Variants in PRKD3 observed in about 807,000 individuals in gnomAD.
The protein encoded by PRKD3 is serine/threonine-protein kinase D3.
In PRKD3, 47 loss-of-function variants were observed where a neutral mutation model predicts 99.2. That is an observed-to-expected ratio of 0.47 (90% confidence interval 0.38 to 0.60). PRKD3 has a LOEUF of 0.60. Ranked by LOEUF, PRKD3 falls within the 20% of genes least tolerant of loss-of-function variation. PRKD3 has a pLI of 0.00. For missense variants in PRKD3, 1,019 were observed against 1,088.4 expected (o/e 0.94, Z 0.90); for synonymous variants, 392 against 355.4 (o/e 1.10, Z -1.16).
At chr2:37,324,522 T>C (rs10202288) in intron 1 of PRKD3, among the ~76,000 whole-genome samples, 159 bp downstream of exon 1, 12,225 of 126,050 alleles carry the variant, frequency 0.097, 589 homozygotes, top group Middle Eastern at 0.16. Flanking sequence ...CCGAGTCCTG[T>C]CGCCGCCGCC....
intron 17 of PRKD3, 75 bp from the exon 18 acceptor site, chr2:37,254,364 C>T: frequency 7.3e-6 from 8 of 1,098,392 alleles, no homozygotes; most frequent in Non-Finnish European, 1.1e-5. Flanking sequence ...GCCTAGAAGG[C>T]AGTTCAACCC....
chr2:37,319,239 T>C lies in PRKD3; in HGVS notation c.-655-2060A>G, dbSNP rs190132180. Among the ~76,000 whole-genome samples the C allele has an allele frequency of 1.3e-4, 20 of 152,302 alleles. No homozygotes were observed. In the East Asian group the frequency reaches 1.4e-3, roughly 10 times the overall value. ...CTGACAAAAATAGTATCCAAGATGA[T>C]TGTCCATGCTACCTTTGCAAGAATG... On this transcript the variant is annotated intron_variant, in intron 1 of 18. Transcript: ENST00000234179.
Position 37,282,534 on chromosome 2 carries a change from A to G in PRKD3, c.988+8T>C. 1 of 1,540,450 alleles carries G rather than the reference A, an allele frequency of 6.5e-7. No homozygotes were observed. Among genetic ancestry groups the G allele is most frequent in the South Asian group, 1.1e-5 (1 of 88,908 alleles). On this transcript the variant is annotated splice_region_variant and intron_variant, in intron 7 of 18. Transcript: ENST00000234179. ...ATCTTTCACAAAAATTAAGAAAAATAATTTTACCTCCATTGAAAGTAACCT... is the reference window on the plus strand; with the variant it reads ...ATCTTTCACAAAAATTAAGAAAAATGATTTTACCTCCATTGAAAGTAACCT...
chr2:37,265,432 A>T lies in PRKD3; in HGVS notation c.1884+1998T>A, dbSNP rs553271235. 1.4e-3 allele frequency among the ~76,000 whole-genome samples: 218 copies of T among 152,306 alleles called. 2 individuals carry two copies. The highest frequency in any genetic ancestry group is 5.1e-3 in the African/African-American group (210 of 41,568). On this transcript the variant is annotated intron_variant, in intron 14 of 18. Coordinates refer to ENST00000234179, the MANE Select transcript of PRKD3 (RefSeq NM_005813.6). Reference sequence around the variant, plus strand: ...TACTAATAGAATATTCTAGAATATCAATATTCTATATGAATAATATTCATA... The same window carrying T: ...TACTAATAGAATATTCTAGAATATCTATATTCTATATGAATAATATTCATA...
At chr2:37,316,019 C>A (rs1353623530) in intron 2 of PRKD3, among the ~76,000 whole-genome samples, 1 of 152,160 alleles carries the variant, frequency 6.6e-6, no homozygotes, top group African/African-American at 2.4e-5. Flanking sequence ...GCCACTACGC[C>A]CAGCCAAATA....
At chr2:37,319,886 CAG>C (rs1485230803) in intron 1 of PRKD3, among the ~76,000 whole-genome samples, 1 of 152,102 alleles carries the variant, frequency 6.6e-6, no homozygotes, top group Non-Finnish European at 1.5e-5. Flanking sequence ...TGATTTTATT[CAG>C]TATCACTGCA....
chr2:37,299,932 G>C (rs183403713), intron 2 of PRKD3, among the ~76,000 whole-genome samples: 1 of 152,242 alleles, frequency 6.6e-6, no homozygotes, highest in Non-Finnish European at 1.5e-5. Context: ...TACACTATTG[G>C]TGGGAATGTA....
intron 5 of PRKD3, among the ~76,000 whole-genome samples, chr2:37,287,834 T>A (rs907033092): frequency 6.6e-6 from 1 of 152,244 alleles, no homozygotes; most frequent in African/African-American, 2.4e-5. Context: ...ACAAAAATTT[T>A]TAATTCATGC....
chr2:37,286,468 G>A, intron 5 of PRKD3, 99 bp from the exon 6 acceptor site: 2 of 990,186 alleles, frequency 2.0e-6, no homozygotes, highest in African/African-American at 1.7e-5. Flanking sequence ...AAACACTAAA[G>A]CCAAAAAACT....
intron 2 of PRKD3, among the ~76,000 whole-genome samples, chr2:37,301,347 A>G (rs535294145): frequency 6.6e-6 from 1 of 151,636 alleles, no homozygotes; most frequent in South Asian, 2.1e-4. Context: ...AGGAGAACAA[A>G]GAACAAAGGA....
chr2:37,274,700 G>T lies in PRKD3; in HGVS notation c.1375-3C>A, dbSNP rs781622730. The T allele has an allele frequency of 1.2e-6, 2 of 1,610,086 alleles. No individual in the cohort carries two copies. Among genetic ancestry groups the T allele is most frequent in the Non-Finnish European group, 1.7e-6 (2 of 1,177,328 alleles). ...AGAATTTCTGAAAGTGGAATTTCCT[G>T]AAGTAAAAAATTAAGCATTGAAAAA... is the stretch of plus-strand genomic sequence containing the variant. On this transcript the variant is annotated splice_polypyrimidine_tract_variant and splice_region_variant and intron_variant, in intron 10 of 18. Coordinates refer to ENST00000234179, the MANE Select transcript of PRKD3 (RefSeq NM_005813.6).
Position 37,274,289 on chromosome 2 carries a change from G to C in PRKD3, c.1651+132C>G. ...TATAAAAGAGTTAACTAATTGTATT[G>C]GTTACTAAAGTATTGGTTACTAAAG... On this transcript the variant is annotated intron_variant, in intron 11 of 18. Coordinates refer to ENST00000234179, the MANE Select transcript of PRKD3 (RefSeq NM_005813.6). 3.1e-6 allele frequency: 3 copies of C among 974,564 alleles called. No individual in the cohort carries two copies. The South Asian group carries it at 5.0e-5, about 16-fold the overall frequency. The allele number at this position is 974,564 out of a possible 1,614,324, so 60.4% of individuals were successfully genotyped here. A position where few individuals can be genotyped will look rare whatever the true frequency, so the allele number is the denominator to read the frequency against.
intron 2 of PRKD3, among the ~76,000 whole-genome samples, chr2:37,313,192 C>T (rs1312628095): frequency 6.6e-6 from 1 of 152,110 alleles, no homozygotes; most frequent in Non-Finnish European, 1.5e-5. Context: ...CTACTCAACT[C>T]TGCTGCTGCA....
At chr2:37,307,463 G>C (rs2124883561) in intron 2 of PRKD3, among the ~76,000 whole-genome samples, 1 of 152,298 alleles carries the variant, frequency 6.6e-6, no homozygotes, top group East Asian at 1.9e-4. Context: ...TATGAAACAA[G>C]ATGGGAAAGA....
At chr2:37,306,318 T>A (rs2124880984) in intron 2 of PRKD3, among the ~76,000 whole-genome samples, 1 of 152,328 alleles carries the variant, frequency 6.6e-6, no homozygotes, top group East Asian at 1.9e-4. Context: ...TTCTCCTGAT[T>A]CCCAGTACCA....
chr2:37,290,391 C>T (rs534929669), intron 4 of PRKD3, among the ~76,000 whole-genome samples: 4 of 152,270 alleles, frequency 2.6e-5, no homozygotes, highest in Admixed American at 6.5e-5. Context: ...CGCCACCACG[C>T]CCGGCTAAGT....
At chr2:37,310,842 G>T (rs143126182) in intron 2 of PRKD3, among the ~76,000 whole-genome samples, 1 of 152,144 alleles carries the variant, frequency 6.6e-6, no homozygotes, top group Non-Finnish European at 1.5e-5. Flanking sequence ...GCATTATTTT[G>T]TAAGTAATCT....
intron 1 of PRKD3, 90 bp from the exon 2 acceptor site, chr2:37,317,269 T>A: frequency 1.6e-6 from 1 of 607,064 alleles, no homozygotes; most frequent in Non-Finnish European, 2.1e-6. Context: ...AAATGACAAT[T>A]TTTGGTCATA....
At chr2:37,310,043 G>A (rs1027530269) in intron 2 of PRKD3, among the ~76,000 whole-genome samples, 1 of 152,176 alleles carries the variant, frequency 6.6e-6, no homozygotes, top group South Asian at 2.1e-4. Context: ...ATAGAAAACT[G>A]TGAGTACCTA....
Sources: allele counts gnomAD v4.1 joint callset (sites outside exome capture counted in the v4.1 genomes callset), GRCh38; gene constraint gnomAD v4.1.1; transcripts MANE v1.5; gene names NCBI Gene and HGNC (gene_info 2026-07-23, HGNC 2026-07-21).